Variants in MSI2 observed in about 807,000 individuals in gnomAD.
MSI2 encodes the protein RNA-binding protein Musashi homolog 2.
Under a neutral mutation model 45.6 loss-of-function variants are expected in MSI2, and 17 were observed. That is an observed-to-expected ratio of 0.37 (90% confidence interval 0.26 to 0.56). The LOEUF (loss-of-function observed/expected upper bound fraction) is 0.56, where lower values mean the gene tolerates loss of function less well. Ranked by LOEUF, MSI2 falls within the 20% of genes least tolerant of loss-of-function variation. The pLI is 0.77. For synonymous variants in MSI2, 156 were observed against 158.2 expected (o/e 0.99, Z 0.11); for missense variants, 293 against 444.2 (o/e 0.66, Z 3.06).
intron 5 of MSI2, among the ~76,000 whole-genome samples, chr17:57,290,767 T>TA (rs1378328784): frequency 2.6e-5 from 4 of 152,244 alleles, no homozygotes; most frequent in Admixed American, 2.0e-4. Context: ...CAGTGTTTAA[T>TA]ATCTCAGGTG....
intron 5 of MSI2, among the ~76,000 whole-genome samples, chr17:57,342,230 T>C (rs190458692): frequency 3.3e-5 from 5 of 152,324 alleles, no homozygotes; most frequent in Non-Finnish European, 7.3e-5. Context: ...CTGAGGGATG[T>C]TGGCAAAACA....
In MSI2 at chr17:57,526,356, G is replaced by GGGGTGTGTGTGT. The variant is rs1342100756; in HGVS notation, c.406-3319_406-3318insGGTGTGTGTGTG. Among the ~76,000 whole-genome samples, 75 of 122,586 alleles carry GGGGTGTGTGTGT rather than the reference G, an allele frequency of 6.1e-4. 1 individual carries two copies. The highest frequency in any genetic ancestry group is 2.2e-3 in the African/African-American group (69 of 31,348). 80.4% of individuals were successfully genotyped at this position (122,586 alleles called of 152,430 possible). On this transcript the variant is annotated intron_variant, in intron 6 of 13. Transcript: ENST00000284073. ...TCTTCATAGCCCCCTGATATACCTGGGTGTGTGTGTGTGTGTGTGTGTGTG... is the reference window on the plus strand; with the variant it reads ...TCTTCATAGCCCCCTGATATACCTGGGGGTGTGTGTGTGTGTGTGTGTGTGTGTGTGTGTGTG...
At chr17:57,470,538 A>G (rs1850436819) in intron 6 of MSI2, among the ~76,000 whole-genome samples, 1 of 152,222 alleles carries the variant, frequency 6.6e-6, no homozygotes, top group Non-Finnish European at 1.5e-5. Flanking sequence ...TGGGCCTCCC[A>G]AAGTGCTGGG....
chr17:57,672,766 GCTT>G (rs1469108955), intron 11 of MSI2, among the ~76,000 whole-genome samples: 2 of 151,890 alleles, frequency 1.3e-5, no homozygotes, highest in Non-Finnish European at 2.9e-5. Flanking sequence ...CACTGTCCAA[GCTT>G]CTTCTGTTTT....
chr17:57,323,889 G>T (rs376860507), intron 5 of MSI2, among the ~76,000 whole-genome samples: 1 of 152,208 alleles, frequency 6.6e-6, no homozygotes, highest in Non-Finnish European at 1.5e-5. Flanking sequence ...TGTATGAGGA[G>T]CATTCTTCCC....
In MSI2 at chr17:57,422,756, TC is replaced by T. The variant is rs2084419823; in HGVS notation, c.405+21286del. Among the ~76,000 whole-genome samples, 3 of 152,256 alleles carry T rather than the reference TC, an allele frequency of 2.0e-5. 1 individual carries two copies. In the South Asian group the frequency reaches 6.2e-4, roughly 31 times the overall value. On this transcript the variant is annotated intron_variant, in intron 6 of 13. Coordinates refer to ENST00000284073, the MANE Select transcript of MSI2 (RefSeq NM_138962.4). ...TAAATCAGTACAGCGTAAATCACCATCATCACTTGACATTTAAGCCTTTTTT... is the reference window on the plus strand; with the variant it reads ...TAAATCAGTACAGCGTAAATCACCATATCACTTGACATTTAAGCCTTTTTT...
At chr17:57,691,190 C>CA in the MSI2 span, among the ~76,000 whole-genome samples, 1 of 139,970 alleles carries the variant, frequency 7.1e-6, no homozygotes, top group Non-Finnish European at 1.5e-5. Flanking sequence ...CTCTCTCTCT[C>CA]TCTCTCTCTC....
intron 1 of MSI2, 73 bp downstream of exon 1, chr17:57,256,877 C>A: frequency 8.2e-7 from 1 of 1,224,016 alleles, no homozygotes; most frequent in Non-Finnish European, 1.1e-6. Context: ...CGGCGGTGCG[C>A]GGAGCCGGGC....
chr17:57,616,576 A>G (rs1442419565), intron 9 of MSI2: 1 of 151,926 alleles, frequency 6.6e-6, no homozygotes, highest in African/African-American at 2.4e-5. Flanking sequence ...CTCTTGGGAT[A>G]TCAAAATTTG....
intron 7 of MSI2, among the ~76,000 whole-genome samples, chr17:57,544,473 C>G (rs531630898): frequency 6.6e-6 from 1 of 152,050 alleles, no homozygotes; most frequent in Non-Finnish European, 1.5e-5. Flanking sequence ...TCAAAATGCA[C>G]GGGGTAGGGC....
chr17:57,256,440 A>AGGGGGAGGAGGAGGAGGAGATGGGGG (rs1906713339), upstream of MSI2: 1 of 119,084 alleles, frequency 8.4e-6, no homozygotes, highest in Non-Finnish European at 1.6e-5. Flanking sequence ...GCCGGGGAGG[A>AGGGGGAGGAGGAGGAGGAGATGGGGG]GGGGGAGGAG....
chr17:57,401,699 T>C, intron 6 of MSI2, among the ~76,000 whole-genome samples: 1 of 152,188 alleles, frequency 6.6e-6, no homozygotes. Context: ...AGTGGCCTTT[T>C]AGTGCAGTTT....
intron 7 of MSI2, among the ~76,000 whole-genome samples, chr17:57,554,241 G>C (rs185089137): frequency 2.2e-4 from 34 of 152,058 alleles, no homozygotes; most frequent in African/African-American, 5.5e-4. Flanking sequence ...GCGGGGGAGG[G>C]GGGGGATGGT....
chr17:57,274,633 A>T (rs185224510), intron 5 of MSI2: 39 of 152,300 alleles, frequency 2.6e-4, no homozygotes, highest in Admixed American at 2.0e-3. Flanking sequence ...ATTTTTCCTT[A>T]AGTAATGTTT....
chr17:57,679,772 T>C lies in MSI2; in HGVS notation c.*255T>C, dbSNP rs557265716. 1.0e-5 allele frequency: 3 copies of C among 288,990 alleles called. No individual in the cohort carries two copies. The highest frequency in any genetic ancestry group is 1.2e-5 in the Non-Finnish European group (2 of 169,106). 17.9% of individuals were successfully genotyped at this position (288,990 alleles called of 1,614,324 possible). On this transcript the variant is annotated 3_prime_UTR_variant, in exon 14 of 14. Coordinates refer to ENST00000284073, the MANE Select transcript of MSI2 (RefSeq NM_138962.4). ...ATAACCCATGATTTCGGTTTTGTTTTGTTTTGTTTTTCTTGATGGTTTCCC... is the reference window on the plus strand; with the variant it reads ...ATAACCCATGATTTCGGTTTTGTTTCGTTTTGTTTTTCTTGATGGTTTCCC...
intron 8 of MSI2, among the ~76,000 whole-genome samples, chr17:57,600,360 G>T (rs1372873409): frequency 6.6e-6 from 1 of 152,218 alleles, no homozygotes; most frequent in African/African-American, 2.4e-5. Context: ...TATATTCACA[G>T]ATGGGAAAGG....
At chr17:57,285,615 C>T (rs1293338624) in intron 5 of MSI2, among the ~76,000 whole-genome samples, 5 of 152,092 alleles carry the variant, frequency 3.3e-5, no homozygotes, top group African/African-American at 4.8e-5. Flanking sequence ...TGGAAGGTTC[C>T]GGCCCCCACA....
chr17:57,260,524 A>G (rs1041920338), intron 4 of MSI2, among the ~76,000 whole-genome samples: 3 of 152,236 alleles, frequency 2.0e-5, no homozygotes, highest in African/African-American at 7.2e-5. Context: ...TCTGGGGAGT[A>G]TTTATAAAAA....
chr17:57,629,465 A>G (rs915405224), intron 10 of MSI2: 21 of 152,216 alleles, frequency 1.4e-4, no homozygotes, highest in Non-Finnish European at 4.4e-5. Flanking sequence ...GTAAAAAGAA[A>G]ATTTCAGTTC....
Sources: allele counts gnomAD v4.1 joint callset (sites outside exome capture counted in the v4.1 genomes callset), GRCh38; gene constraint gnomAD v4.1.1; transcripts MANE v1.5; gene names NCBI Gene and HGNC (gene_info 2026-07-23, HGNC 2026-07-21).